The following TMEM71 variants were observed in gnomAD, a reference collection of about 807,000 sequenced individuals.
TMEM71 encodes the protein transmembrane protein 71.
Under a neutral mutation model 38.0 loss-of-function variants are expected in TMEM71, and 44 were observed. That is an observed-to-expected ratio of 1.16 (90% confidence interval 0.91 to 1.49). TMEM71 has a LOEUF of 1.49. TMEM71 is among the 40% of genes most tolerant of loss of function. The pLI is 0.00. For synonymous variants in TMEM71, 133 were observed against 122.5 expected (o/e 1.09, Z -0.56); for missense variants, 367 against 348.6 (o/e 1.05, Z -0.42).
intron 5 of TMEM71, among the ~76,000 whole-genome samples, chr8:132,741,722 A>T (rs888923077): frequency 2.0e-5 from 3 of 152,130 alleles, no homozygotes; most frequent in Non-Finnish European, 4.4e-5. Flanking sequence ...GGTGTACAGA[A>T]TGGAACATGA....
chr8:132,713,299 G>A (rs1826333121), intron 9 of TMEM71, among the ~76,000 whole-genome samples: 1 of 151,734 alleles, frequency 6.6e-6, no homozygotes. Context: ...CAAAATGTCA[G>A]TAAGTCAATA....
chr8:132,719,006 T>C (rs1457443838), intron 7 of TMEM71, among the ~76,000 whole-genome samples: 1 of 152,194 alleles, frequency 6.6e-6, no homozygotes, highest in Non-Finnish European at 1.5e-5. Context: ...CCTTTGGAAA[T>C]CTCTTTATAT....
At chr8:132,709,104 T>TGG (rs1012991358), downstream of TMEM71, among the ~76,000 whole-genome samples, 1 of 152,212 alleles carries the variant, frequency 6.6e-6, no homozygotes, top group African/African-American at 2.4e-5. Context: ...TATCTTACTT[T>TGG]GAAAAACATT....
chr8:132,737,859 T>C (rs921959533), intron 5 of TMEM71, among the ~76,000 whole-genome samples: 5 of 152,358 alleles, frequency 3.3e-5, no homozygotes, highest in Admixed American at 1.3e-4. Context: ...GCTTCTCAGA[T>C]TGGCTTATGT....
At chr8:132,734,660 T>C (rs1446126562) in intron 5 of TMEM71, among the ~76,000 whole-genome samples, 5 of 152,186 alleles carry the variant, frequency 3.3e-5, no homozygotes, top group South Asian at 2.1e-4. Context: ...TCAAAAACGA[T>C]CAAGGAGATT....
chr8:132,753,915 T>C (rs1828866160), intron 3 of TMEM71, among the ~76,000 whole-genome samples: 1 of 152,184 alleles, frequency 6.6e-6, no homozygotes, highest in African/African-American at 2.4e-5. Context: ...CCATTTGAGA[T>C]CTATTCAGCT....
At chr8:132,765,616 G>A (rs1829354210), upstream of TMEM71, among the ~76,000 whole-genome samples, 1 of 152,002 alleles carries the variant, frequency 6.6e-6, no homozygotes, top group South Asian at 2.1e-4. Flanking sequence ...GTGATTTCAG[G>A]CTCAGCACCC....
intron 7 of TMEM71, among the ~76,000 whole-genome samples, chr8:132,715,524 C>A (rs1385924556): frequency 6.6e-6 from 1 of 151,072 alleles, no homozygotes; most frequent in South Asian, 2.1e-4. Flanking sequence ...AACAGCTTCA[C>A]TTGCTTACAA....
intron 7 of TMEM71, among the ~76,000 whole-genome samples, chr8:132,720,582 T>A (rs1461355243): frequency 6.6e-6 from 1 of 152,180 alleles, no homozygotes; most frequent in Non-Finnish European, 1.5e-5. Context: ...TGTGGTCCCA[T>A]TGTGATCTAA....
chr8:132,708,428 G>C (rs1294879493), downstream of TMEM71, among the ~76,000 whole-genome samples: 1 of 152,226 alleles, frequency 6.6e-6, no homozygotes, highest in Non-Finnish European at 1.5e-5. Context: ...TACACTTGGA[G>C]GAGAATCAGT....
rs1421234115 is a variant in TMEM71 at position 132,714,190 on chromosome 8, T to G, written c.778A>C (p.Ser260Arg). The change falls in exon 8 of 10, where the codon AGT becomes CGT. Residue 260 changes from serine (S) to arginine (R), a missense_variant. Ser to Arg is a moderately radical substitution (Grantham distance 110). Coordinates refer to ENST00000677595, the MANE Select transcript of TMEM71 (RefSeq NM_001382403.1). ...ARWFMGEILASVFTCSLMITV... is the reference protein window; with the variant it reads ...ARWFMGEILARVFTCSLMITV... ...ATCATCAATGAGCATGTGAAGACAC[T>G]GGCTAATATTTCTCCCATAAACCAT... 3 of 1,612,382 alleles carry G rather than the reference T, an allele frequency of 1.9e-6. No homozygotes were observed. The highest frequency in any genetic ancestry group is 4.5e-5 in the East Asian group (2 of 44,868).
intron 5 of TMEM71, among the ~76,000 whole-genome samples, chr8:132,740,378 C>T (rs914599673): frequency 2.0e-5 from 3 of 152,172 alleles, no homozygotes; most frequent in African/African-American, 7.2e-5. Context: ...TTTGCAATCC[C>T]CATCACTTCC....
intron 5 of TMEM71, among the ~76,000 whole-genome samples, chr8:132,742,106 G>T (rs1157618095): frequency 6.6e-6 from 1 of 152,168 alleles, no homozygotes; most frequent in Non-Finnish European, 1.5e-5. Flanking sequence ...GTATGGCCTG[G>T]TTTTTCCTAG....
intron 3 of TMEM71, among the ~76,000 whole-genome samples, chr8:132,754,871 T>C (rs1828917802): frequency 6.6e-6 from 1 of 152,220 alleles, no homozygotes; most frequent in African/African-American, 2.4e-5. Context: ...AAAGGGACTA[T>C]TTCCAGACAT....
At chr8:132,754,466 C>T (rs1233082985) in intron 3 of TMEM71, among the ~76,000 whole-genome samples, 2 of 152,192 alleles carry the variant, frequency 1.3e-5, no homozygotes, top group Non-Finnish European at 2.9e-5. Flanking sequence ...AATCCTGGCT[C>T]TACCTCTTGC....
At chr8:132,722,971 A>G (rs573398077) in intron 6 of TMEM71, among the ~76,000 whole-genome samples, 2 of 152,348 alleles carry the variant, frequency 1.3e-5, no homozygotes, top group South Asian at 4.1e-4. Context: ...ACAGACCTCA[A>G]CTTAATTTTT....
intron 6 of TMEM71, 107 bp downstream of exon 6, chr8:132,727,691 G>C (rs932909200): frequency 3.0e-6 from 3 of 991,724 alleles, no homozygotes; most frequent in Middle Eastern, 2.9e-4. Context: ...TCCTCGCACA[G>C]GTTGGTACCA....
chr8:132,741,803 G>A (rs1163961944), intron 5 of TMEM71, among the ~76,000 whole-genome samples: 1 of 152,156 alleles, frequency 6.6e-6, no homozygotes, highest in East Asian at 1.9e-4. Flanking sequence ...GATAACTGTG[G>A]GCGAGCCTGA....
intron 5 of TMEM71, among the ~76,000 whole-genome samples, chr8:132,735,170 G>T (rs1007642832): frequency 8.5e-5 from 13 of 152,196 alleles, no homozygotes; most frequent in African/African-American, 3.1e-4. Context: ...ATCCCGAATT[G>T]CAGTATTGGG....
Sources: gnomAD v4.1 joint callset for allele counts (sites outside exome capture counted in the v4.1 genomes callset) on GRCh38, gnomAD v4.1.1 for gene constraint, MANE v1.5 for transcripts, NCBI Gene and HGNC (gene_info 2026-07-23, HGNC 2026-07-21) for gene names.